Variants in RYR3 observed in about 807,000 individuals in gnomAD.
RYR3 encodes the protein brain ryanodine receptor-calcium release channel.
RYR3 carries 207 observed loss-of-function variants against 584.3 expected under a neutral mutation model. The ratio of observed to expected loss-of-function variants is 0.35; its 90% CI spans 0.32 to 0.40. The LOEUF is 0.40. Ranked by LOEUF, RYR3 falls within the 10% of genes least tolerant of loss-of-function variation. The pLI, the probability that RYR3 is intolerant of heterozygous loss-of-function variation, is 1.00. For missense variants in RYR3, 5,616 were observed against 6,089.2 expected (o/e 0.92, Z 2.59); for synonymous variants, 2,416 against 2,248.5 (o/e 1.07, Z -2.11).
chr15:33,633,140 A>T, intron 24 of RYR3, 32 bp downstream of exon 24: 1 of 1,605,896 alleles, frequency 6.2e-7, no homozygotes, highest in Non-Finnish European at 8.5e-7. Flanking sequence ...ATGCTGGAAA[A>T]CTTAGAAGAT....
chr15:33,362,381 T>A (rs1974889521), intron 1 of RYR3, among the ~76,000 whole-genome samples: 1 of 152,042 alleles, frequency 6.6e-6, no homozygotes, highest in East Asian at 1.9e-4. Context: ...CAGCAACCAC[T>A]TGGTAAATGT....
At chr15:33,599,840 A>G (rs1458408163) in intron 16 of RYR3, among the ~76,000 whole-genome samples, 5 of 152,298 alleles carry the variant, frequency 3.3e-5, no homozygotes, top group Non-Finnish European at 7.4e-5. Flanking sequence ...AAGTAGCATC[A>G]TTTATTTATA....
chr15:33,557,494 T>A (rs990209186), intron 10 of RYR3, among the ~76,000 whole-genome samples: 2 of 152,130 alleles, frequency 1.3e-5, no homozygotes, highest in African/African-American at 4.8e-5. Flanking sequence ...AAGCAATTCT[T>A]CTGCCTCGGC....
chr15:33,332,722 T>C (rs1319116008), intron 1 of RYR3, among the ~76,000 whole-genome samples: 1 of 152,060 alleles, frequency 6.6e-6, no homozygotes, highest in East Asian at 1.9e-4. Context: ...TTTAGTCAAA[T>C]AAATTATACC....
In RYR3 at chr15:33,402,163, A is replaced by C. The variant is rs79375202; in HGVS notation, c.52-71256A>C. On this transcript the variant is annotated intron_variant, in intron 1 of 103. Transcript: ENST00000634891. ...TTGCATTTCAACATTTAAATTGATC[A>C]TAGATATTTTGTACAATTTTTGTAC... Among the ~76,000 whole-genome samples the C allele has an allele frequency of 5.9e-5, 9 of 152,342 alleles. No homozygotes were observed. The East Asian group carries it at 1.5e-3, about 26-fold the overall frequency.
Position 33,844,397 on chromosome 15 carries a change from C to G in RYR3, c.13297-465C>G, listed in dbSNP as rs1238425788. Among the ~76,000 whole-genome samples the G allele has an allele frequency of 2.0e-5, 3 of 152,180 alleles. No individual in the cohort carries two copies. In the South Asian group the frequency reaches 6.2e-4, roughly 32 times the overall value. ...TCAAAGTTGTAGATTTGAGAGTCATCTGTATAAGAATAGCGGCTGAAGCCA... is the reference window on the plus strand; with the variant it reads ...TCAAAGTTGTAGATTTGAGAGTCATGTGTATAAGAATAGCGGCTGAAGCCA... On this transcript the variant is annotated intron_variant, in intron 92 of 103. Transcript: ENST00000634891.
In RYR3 at chr15:33,837,924, C is replaced by A; in HGVS notation, c.11944C>A (p.Arg3982=). ...DMFNYVDFVD[R]FHEPAKDIGF... is the part of the protein sequence containing the mutation. Reference sequence around the variant, plus strand: ...GTTTAATTACGTTGATTTTGTAGACCGGTTCCATGAGCCAGCCAAGGACAT... The same window carrying A: ...GTTTAATTACGTTGATTTTGTAGACAGGTTCCATGAGCCAGCCAAGGACAT... The change falls in exon 89 of 104, where the codon CGG becomes AGG. Residue 3982 remains arginine, a synonymous_variant. Transcript: ENST00000634891. 1.2e-6 allele frequency: 2 copies of A among 1,613,866 alleles called. No homozygotes were observed. The highest frequency in any genetic ancestry group is 1.7e-6 in the Non-Finnish European group (2 of 1,179,872).
intron 91 of RYR3, 78 bp downstream of exon 91, chr15:33,842,113 T>C: frequency 6.8e-7 from 1 of 1,472,646 alleles, no homozygotes; most frequent in Non-Finnish European, 9.2e-7. Context: ...CGCTGATTTG[T>C]TTCACTGTTT....
At chr15:33,634,242 C>T (rs139358974) in intron 24 of RYR3, among the ~76,000 whole-genome samples, 1 of 151,818 alleles carries the variant, frequency 6.6e-6, no homozygotes, top group African/African-American at 2.4e-5. Flanking sequence ...CATAGAGATG[C>T]GGTTTCACCA....
intron 38 of RYR3, among the ~76,000 whole-genome samples, chr15:33,673,537 G>A (rs11633809): frequency 0.22 from 33,198 of 151,622 alleles, 3,746 homozygotes; most frequent in East Asian, 0.31. Flanking sequence ...CTTTTTTTTC[G>A]TATCTCCATC....
At chr15:33,561,638 G>A (rs926940898) in intron 10 of RYR3, among the ~76,000 whole-genome samples, 1 of 152,040 alleles carries the variant, frequency 6.6e-6, no homozygotes, top group Non-Finnish European at 1.5e-5. Flanking sequence ...AGAATGTGGG[G>A]GTCGAGGTGG....
At chr15:33,465,555 G>A (rs1019442989) in intron 1 of RYR3, among the ~76,000 whole-genome samples, 10 of 151,928 alleles carry the variant, frequency 6.6e-5, no homozygotes, top group Non-Finnish European at 1.2e-4. Flanking sequence ...TTAGGACCTT[G>A]TAGGCCATAG....
At chr15:33,475,083 G>A (rs537618332) in intron 2 of RYR3, among the ~76,000 whole-genome samples, 6 of 151,408 alleles carry the variant, frequency 4.0e-5, no homozygotes, top group South Asian at 4.2e-4. Flanking sequence ...TTTCATTCCC[G>A]GCAGTCTGGG....
chr15:33,645,657 C>T (rs1023565917), intron 28 of RYR3, among the ~76,000 whole-genome samples: 2 of 152,204 alleles, frequency 1.3e-5, no homozygotes, highest in Non-Finnish European at 2.9e-5. Context: ...AAAGAAGAGG[C>T]TCAGATTATA....
At chr15:33,759,458 T>C (rs2072208584) in intron 60 of RYR3, among the ~76,000 whole-genome samples, 2 of 152,260 alleles carry the variant, frequency 1.3e-5, no homozygotes, top group Non-Finnish European at 2.9e-5. Flanking sequence ...ATAAATGACC[T>C]GATGGAGCTG....
intron 1 of RYR3, among the ~76,000 whole-genome samples, chr15:33,410,797 T>G (rs987938160): frequency 6.6e-6 from 1 of 152,090 alleles, no homozygotes; most frequent in African/African-American, 2.4e-5. Context: ...ATACCCAAGA[T>G]TGGGTAATTT....
chr15:33,370,288 G>A (rs370194867), intron 1 of RYR3, among the ~76,000 whole-genome samples: 25 of 152,254 alleles, frequency 1.6e-4, no homozygotes, highest in African/African-American at 4.8e-4. Context: ...ACTCTGACAC[G>A]GTTTCCACAT....
In RYR3 at chr15:33,603,121, A is replaced by C; in HGVS notation, c.1923-2A>C. ...ATGCCACTTGCCCATGTTTACTTTC[A>C]GTATCCGGCCAAACATCTTCCTGGG... On this transcript the variant is annotated splice_acceptor_variant, in intron 17 of 103. Coordinates refer to ENST00000634891, the MANE Select transcript of RYR3 (RefSeq NM_001036.6). LOFTEE classifies it high-confidence loss of function. 1 of 1,613,612 alleles carries C rather than the reference A, an allele frequency of 6.2e-7. No homozygotes were observed. The highest frequency in any genetic ancestry group is 8.5e-7 in the Non-Finnish European group (1 of 1,179,698).
chr15:33,325,413 G>T (rs1400213121), intron 1 of RYR3, among the ~76,000 whole-genome samples: 3 of 152,152 alleles, frequency 2.0e-5, no homozygotes, highest in Non-Finnish European at 4.4e-5. Context: ...TTATTGAATG[G>T]TCCAAGATTA....
Sources: allele counts gnomAD v4.1 joint callset (sites outside exome capture counted in the v4.1 genomes callset), GRCh38; gene constraint gnomAD v4.1.1; transcripts MANE v1.5; gene names NCBI Gene and HGNC (gene_info 2026-07-23, HGNC 2026-07-21).